DACH2: variants seen among roughly 807,000 people sequenced by gnomAD.
DACH2 encodes dachshund family transcription factor 2.
Under a neutral mutation model 35.8 loss-of-function variants are expected in DACH2, and 17 were observed. The ratio of observed to expected loss-of-function variants is 0.48; its 90% CI spans 0.33 to 0.71. DACH2 has a LOEUF of 0.71. Ranked by LOEUF, DACH2 falls within the 30% of genes least tolerant of loss-of-function variation. DACH2 has a pLI of 0.02. For synonymous variants in DACH2, 195 were observed against 177.3 expected, an observed-to-expected ratio of 1.10 and a Z score of -0.79; for missense variants, 469 against 472.7, an observed-to-expected ratio of 0.99 and a Z score of 0.07.
At chrX:86,213,272 C>T (rs897085090) in intron 1 of DACH2, among the ~76,000 whole-genome samples, 5 of 111,441 alleles carry the variant, frequency 4.5e-5, no homozygotes, top group East Asian at 2.8e-4. Flanking sequence ...ATTTAATGAA[C>T]GTATCAGAAT....
intron 7 of DACH2, among the ~76,000 whole-genome samples, chrX:86,766,029 A>C (rs929763568): frequency 1.8e-5 from 2 of 109,604 alleles, no homozygotes; most frequent in Non-Finnish European, 3.8e-5. Flanking sequence ...ACTTGGACCA[A>C]TCCTAATTTT....
chrX:86,258,174 G>T (rs902728296), intron 1 of DACH2, among the ~76,000 whole-genome samples: 6 of 111,798 alleles, frequency 5.4e-5, no homozygotes, highest in South Asian at 3.8e-4. Flanking sequence ...ATCGAGTATT[G>T]ATTTCCTCAC....
intron 1 of DACH2, among the ~76,000 whole-genome samples, chrX:86,294,338 A>G (rs2034389607): frequency 9.1e-6 from 1 of 109,740 alleles, no homozygotes; most frequent in South Asian, 4.0e-4. Context: ...AATTTTTTTC[A>G]AAGTTTTCAA....
chrX:86,656,835 A>G (rs1254606046), intron 4 of DACH2, among the ~76,000 whole-genome samples: 1 of 87,971 alleles, frequency 1.1e-5, no homozygotes, highest in Non-Finnish European at 2.2e-5. Context: ...ATACATATGT[A>G]TTAAAATACA....
Position 86,550,054 on chromosome X carries a change from T to C in DACH2, c.640+35663T>C, listed in dbSNP as rs184217729. The stretch of plus-strand genomic sequence containing the variant: ...AAAGATAATTGCAGTAATCTCTGTA[T>C]TGATAATTGTAACCCTTGGAATCTA... On this transcript the variant is annotated intron_variant, in intron 3 of 11. Coordinates refer to ENST00000373125, the MANE Select transcript of DACH2 (RefSeq NM_053281.3). 1.8e-3 allele frequency among the ~76,000 whole-genome samples: 199 copies of C among 111,602 alleles called. 1 individual carries two copies. Among genetic ancestry groups the C allele is most frequent in the African/African-American group, 6.3e-3 (193 of 30,827 alleles).
At chrX:86,792,527 C>G (rs1432334293) in intron 7 of DACH2, among the ~76,000 whole-genome samples, 1 of 111,526 alleles carries the variant, frequency 9.0e-6, no homozygotes, top group Non-Finnish European at 1.9e-5. Flanking sequence ...CTCCTTCCCC[C>G]AACACACATA....
chrX:86,495,031 G>T (rs1012642556), intron 2 of DACH2, among the ~76,000 whole-genome samples: 10 of 110,933 alleles, frequency 9.0e-5, no homozygotes, highest in African/African-American at 2.9e-4. Flanking sequence ...GAGATAGTTT[G>T]CATTATTAAT....
intron 3 of DACH2, among the ~76,000 whole-genome samples, chrX:86,597,061 G>A (rs1004582643): frequency 1.8e-5 from 2 of 111,544 alleles, no homozygotes; most frequent in Admixed American, 9.6e-5. Flanking sequence ...TTGAAATTGG[G>A]AAGTTTGAGT....
chrX:86,803,301 A>G (rs2042312358), intron 7 of DACH2, among the ~76,000 whole-genome samples: 1 of 111,788 alleles, frequency 8.9e-6, no homozygotes, highest in Non-Finnish European at 1.9e-5. Context: ...TCAGAGGACT[A>G]TGCTATGTAG....
intron 7 of DACH2, among the ~76,000 whole-genome samples, chrX:86,743,811 G>T (rs886630043): frequency 9.0e-6 from 1 of 111,259 alleles, no homozygotes; most frequent in African/African-American, 3.3e-5. Flanking sequence ...AGAAAGTCAG[G>T]TTCATGATAT....
At chrX:86,432,745 A>C (rs1030159296) in intron 2 of DACH2, among the ~76,000 whole-genome samples, 1 of 112,072 alleles carries the variant, frequency 8.9e-6, no homozygotes, top group African/African-American at 3.2e-5. Flanking sequence ...TTCATCTATG[A>C]AATTCCATGT....
chrX:86,483,796 T>C (rs151199310), intron 2 of DACH2, among the ~76,000 whole-genome samples: 107 of 105,549 alleles, frequency 1.0e-3, no homozygotes, highest in African/African-American at 3.6e-3. Context: ...CATGTCACTG[T>C]ACCCCAGCCT....
intron 1 of DACH2, among the ~76,000 whole-genome samples, chrX:86,268,490 ATTTAT>A (rs200042636): frequency 0.26 from 19,885 of 76,825 alleles, 2,567 homozygotes; most frequent in Middle Eastern, 0.38. Context: ...CATTTAAAAC[ATTTAT>A]TTTATTTTAT....
intron 4 of DACH2, among the ~76,000 whole-genome samples, chrX:86,687,283 T>G (rs763257535): frequency 1.8e-5 from 2 of 110,572 alleles, no homozygotes; most frequent in African/African-American, 6.6e-5. Flanking sequence ...CCAACAGACA[T>G]GAAAAAAAAG....
At chrX:86,808,756 G>A (rs1020248230) in intron 7 of DACH2, among the ~76,000 whole-genome samples, 1 of 110,682 alleles carries the variant, frequency 9.0e-6, no homozygotes, top group African/African-American at 3.3e-5. Context: ...GACCTGGTAG[G>A]TAGCTACAAT....
At chrX:86,696,254 TATG>T (rs1177250484) in intron 5 of DACH2, among the ~76,000 whole-genome samples, 1 of 111,919 alleles carries the variant, frequency 8.9e-6, no homozygotes, top group Non-Finnish European at 1.9e-5. Flanking sequence ...GACATTTTAA[TATG>T]ATGTTCCAAA....
chrX:86,224,524 A>G (rs1165977989), intron 1 of DACH2, among the ~76,000 whole-genome samples: 1 of 111,224 alleles, frequency 9.0e-6, no homozygotes, highest in Admixed American at 9.6e-5. Context: ...AGCCATCCCT[A>G]TTCTTTTATT....
At chrX:86,669,911 A>T (rs779133299) in intron 4 of DACH2, among the ~76,000 whole-genome samples, 29 of 110,269 alleles carry the variant, frequency 2.6e-4, no homozygotes, top group Non-Finnish European at 4.6e-4. Flanking sequence ...TTTTTTTTTT[A>T]AATGGTATGT....
chrX:86,272,199 A>AGT (rs139733313), intron 1 of DACH2, among the ~76,000 whole-genome samples: 22,460 of 99,938 alleles, frequency 0.22, 2,007 homozygotes, highest in Admixed American at 0.31. Context: ...TTCCTTTGAG[A>AGT]GTGTGTGTGT....
Sources: allele counts gnomAD v4.1 joint callset (sites outside exome capture counted in the v4.1 genomes callset), GRCh38; gene constraint gnomAD v4.1.1; transcripts MANE v1.5; gene names NCBI Gene and HGNC (gene_info 2026-07-23, HGNC 2026-07-21).